The following PAPSS2 variants were observed in gnomAD, a reference collection of about 807,000 sequenced individuals.
PAPSS2 encodes 3'-phosphoadenosine 5'-phosphosulfate synthase 2, also known as bifunctional 3'-phosphoadenosine 5'-phosphosulfate synthase 2.
PAPSS2 carries 61 observed loss-of-function variants against 66.5 expected under a neutral mutation model. The ratio of observed to expected loss-of-function variants is 0.92; its 90% CI spans 0.75 to 1.14. The LOEUF (loss-of-function observed/expected upper bound fraction) is 1.14, where lower values mean the gene tolerates loss of function less well. Among genes scored for constraint, PAPSS2 ranks in the 50% most tolerant of loss-of-function variants. PAPSS2 has a pLI of 0.00. For synonymous variants in PAPSS2, 289 were observed against 287.5 expected (o/e 1.01, Z -0.05); for missense variants, 708 against 789.6 (o/e 0.90, Z 1.24).
intron 1 of PAPSS2, among the ~76,000 whole-genome samples, chr10:87,671,212 A>T (rs1481427976): frequency 6.6e-6 from 1 of 152,198 alleles, no homozygotes; most frequent in African/African-American, 2.4e-5. Flanking sequence ...CATATAATGG[A>T]TACTATGACT....
intron 9 of PAPSS2, among the ~76,000 whole-genome samples, chr10:87,729,791 G>A (rs1853706022): frequency 6.6e-6 from 1 of 152,120 alleles, no homozygotes; most frequent in Non-Finnish European, 1.5e-5. Context: ...GAAGTCAGGA[G>A]TCCGAGACCA....
At chr10:87,705,335 T>C (rs929065137) in intron 1 of PAPSS2, among the ~76,000 whole-genome samples, 2 of 152,242 alleles carry the variant, frequency 1.3e-5, no homozygotes, top group African/African-American at 4.8e-5. Flanking sequence ...ATTTTCTATT[T>C]TCCTATTGAT....
At chr10:87,667,762 A>G (rs1370263621) in intron 1 of PAPSS2, among the ~76,000 whole-genome samples, 3 of 152,260 alleles carry the variant, frequency 2.0e-5, no homozygotes, top group African/African-American at 7.2e-5. Context: ...CAATAAATGC[A>G]TATAGCCTGT....
At chr10:87,660,213 C>A (rs947642345) in intron 1 of PAPSS2, 1 of 627,390 alleles carries the variant, frequency 1.6e-6, no homozygotes, top group Admixed American at 2.8e-5. Context: ...CCCTCTCCAC[C>A]CCGCGACTCT....
chr10:87,681,003 G>A (rs1853013536), intron 1 of PAPSS2, among the ~76,000 whole-genome samples: 1 of 152,144 alleles, frequency 6.6e-6, no homozygotes, highest in African/African-American at 2.4e-5. Context: ...TTCTCAACTG[G>A]GGGTGATTTT....
rs1164795893 is a variant in PAPSS2, at chr10:87,740,267, T to C, written c.1087-968T>C. Among the ~76,000 whole-genome samples the C allele has an allele frequency of 3.8e-5, 5 of 133,176 alleles. No individual in the cohort carries two copies. The South Asian group carries it at 1.3e-3, about 36-fold the overall frequency. The allele number at this position is 133,176 out of a possible 152,430, so 87.4% of individuals were successfully genotyped here. ...TCCCAGTACTTAGAAAACTTTTTGA[T>C]GAGACTAGTAGTGATATTAACACAT... On this transcript the variant is annotated intron_variant, in intron 9 of 12. Coordinates refer to ENST00000456849, the MANE Select transcript of PAPSS2 (RefSeq NM_001015880.2).
Position 87,676,599 on chromosome 10 carries a change from G to A in PAPSS2, c.27+16591G>A, listed in dbSNP as rs991973193. 7.9e-5 allele frequency among the ~76,000 whole-genome samples: 12 copies of A among 152,108 alleles called. No individual in the cohort carries two copies. The South Asian group carries it at 2.1e-3, about 26-fold the overall frequency. ...ACAAGCTAATAGATTGCCTGACTTC[G>A]TTTATCTGATCATGAATTTTGATCA... On this transcript the variant is annotated intron_variant, in intron 1 of 12. Coordinates refer to ENST00000456849, the MANE Select transcript of PAPSS2 (RefSeq NM_001015880.2).
chr10:87,700,917 A>T (rs918043738), intron 1 of PAPSS2, among the ~76,000 whole-genome samples: 2 of 151,960 alleles, frequency 1.3e-5, no homozygotes, highest in African/African-American at 4.8e-5. Flanking sequence ...ATAATAAATT[A>T]TAATAATTTC....
intron 8 of PAPSS2, among the ~76,000 whole-genome samples, chr10:87,726,904 G>C (rs1036263218): frequency 3.3e-5 from 5 of 152,068 alleles, no homozygotes; most frequent in South Asian, 2.1e-4. Flanking sequence ...GTTTTGTTTT[G>C]GTTTGTTTTG....
intron 1 of PAPSS2, chr10:87,660,308 G>A: frequency 1.8e-6 from 1 of 562,446 alleles, no homozygotes; most frequent in East Asian, 3.0e-5. Flanking sequence ...TCCAGGACCA[G>A]GGACAGGAAA....
At chr10:87,696,563 AC>A (rs1853237354) in intron 1 of PAPSS2, among the ~76,000 whole-genome samples, 1 of 152,136 alleles carries the variant, frequency 6.6e-6, no homozygotes, top group Non-Finnish European at 1.5e-5. Flanking sequence ...TTGTATGCAC[AC>A]CCAGCTGCTC....
rs10887747 is a variant in PAPSS2 at position 87,724,873 on chromosome 10, T to C, written c.881-2411T>C. On this transcript the variant is annotated intron_variant, in intron 8 of 12. Transcript: ENST00000456849. ...CTATACACACACACACACACACACA[T>C]ACACACATAGAAAGAGAGAGATTTA... 4.8e-3 allele frequency among the ~76,000 whole-genome samples: 244 copies of C among 50,312 alleles called. 2 individuals are homozygous for C. The highest frequency in any genetic ancestry group is 0.043 in the South Asian group (55 of 1,290). 33.0% of individuals were successfully genotyped at this position (50,312 alleles called of 152,430 possible). A position where few individuals can be genotyped will look rare whatever the true frequency, so the allele number is the denominator to read the frequency against.
At chr10:87,665,506 C>T (rs1450354625) in intron 1 of PAPSS2, among the ~76,000 whole-genome samples, 2 of 152,130 alleles carry the variant, frequency 1.3e-5, no homozygotes, top group African/African-American at 2.4e-5. Context: ...CCACCGTGCC[C>T]GGCCTGAATT....
intron 1 of PAPSS2, among the ~76,000 whole-genome samples, chr10:87,681,033 G>A (rs1381613932): frequency 6.6e-6 from 1 of 152,136 alleles, no homozygotes; most frequent in African/African-American, 2.4e-5. Context: ...GGGACATTGA[G>A]CAATGTCTGG....
chr10:87,697,918 T>A (rs1589428288), intron 1 of PAPSS2, among the ~76,000 whole-genome samples: 1 of 152,326 alleles, frequency 6.6e-6, no homozygotes, highest in South Asian at 2.1e-4. Context: ...CACAGTCCCA[T>A]GAGGAGAGGG....
At chr10:87,711,745 C>T (rs1281224191) in intron 2 of PAPSS2, among the ~76,000 whole-genome samples, 1 of 152,072 alleles carries the variant, frequency 6.6e-6, no homozygotes, top group Non-Finnish European at 1.5e-5. Context: ...ATCACCTTCC[C>T]CCCCACCCAA....
intron 2 of PAPSS2, among the ~76,000 whole-genome samples, chr10:87,710,783 C>A (rs773560466): frequency 2.6e-5 from 4 of 152,148 alleles, no homozygotes; most frequent in Non-Finnish European, 5.9e-5. Context: ...GGTGGATCAC[C>A]TGACATCAGG....
At chr10:87,683,561 A>G (rs1054545931) in intron 1 of PAPSS2, among the ~76,000 whole-genome samples, 2 of 152,198 alleles carry the variant, frequency 1.3e-5, no homozygotes, top group Non-Finnish European at 2.9e-5. Context: ...GGTTCCTAGA[A>G]ATGATGATCC....
chr10:87,674,345 T>C (rs1008234363), intron 1 of PAPSS2, among the ~76,000 whole-genome samples: 1 of 152,190 alleles, frequency 6.6e-6, no homozygotes. Flanking sequence ...TTTATATTTT[T>C]GGTAGAGATG....
Sources: allele counts gnomAD v4.1 joint callset (sites outside exome capture counted in the v4.1 genomes callset), GRCh38; gene constraint gnomAD v4.1.1; transcripts MANE v1.5; gene names NCBI Gene and HGNC (gene_info 2026-07-23, HGNC 2026-07-21).